NOSIP: variants seen among roughly 807,000 people sequenced by gnomAD.
NOSIP encodes the protein nitric oxide synthase interacting protein, also known as nitric oxide synthase-interacting protein.
NOSIP carries 25 observed loss-of-function variants against 36.4 expected under a neutral mutation model. That is an observed-to-expected ratio of 0.69 (90% CI 0.50 to 0.96). The LOEUF (loss-of-function observed/expected upper bound fraction) is 0.96. Among genes scored for constraint, NOSIP ranks in the 40% least tolerant of loss-of-function variants. The probability of loss-of-function intolerance (pLI) is 0.00; values close to 1 mark genes in which losing one functional copy is unlikely to be tolerated. For missense variants in NOSIP, 370 were observed against 429.0 expected, an observed-to-expected ratio of 0.86 and a Z score of 1.21; for synonymous variants, 187 against 179.2, an observed-to-expected ratio of 1.04 and a Z score of -0.35.
At chr19:49,575,293 G>T (rs1016185281) in intron 1 of NOSIP, among the ~76,000 whole-genome samples, 2 of 152,136 alleles carry the variant, frequency 1.3e-5, no homozygotes, top group Non-Finnish European at 2.9e-5. Flanking sequence ...GCCACCATGC[G>T]CAGCCTCCTC....
At chr19:49,562,812 G>A (rs902580727) in intron 1 of NOSIP, among the ~76,000 whole-genome samples, 1 of 152,150 alleles carries the variant, frequency 6.6e-6, no homozygotes, top group Non-Finnish European at 1.5e-5. Flanking sequence ...CCTGGGAGGT[G>A]CAGGTTGCAG....
chr19:49,559,099 A>T lies in NOSIP; in HGVS notation c.177-121T>A, dbSNP rs547090881. On this transcript the variant is annotated intron_variant, in intron 3 of 8. Coordinates refer to ENST00000596358, the MANE Select transcript of NOSIP (RefSeq NM_001270960.2). ...GTCCCAAGTTCAATTATTTGCTAGA[A>T]TTCACAGAACTCAGCAAAGCTGTTA... 28 of 789,010 alleles carry T rather than the reference A, an allele frequency of 3.5e-5. No individual in the cohort carries two copies. In the South Asian group the frequency reaches 4.1e-4, roughly 11 times the overall value. 48.9% of individuals were successfully genotyped at this position (789,010 alleles called of 1,614,324 possible). A position where few individuals can be genotyped will look rare whatever the true frequency, so the allele number is the denominator to read the frequency against.
At chr19:49,574,842 T>A (rs976735749) in intron 1 of NOSIP, among the ~76,000 whole-genome samples, 1 of 150,168 alleles carries the variant, frequency 6.7e-6, no homozygotes, top group African/African-American at 2.4e-5. Context: ...ATTACAGGCG[T>A]CCACCACCAT....
intron 1 of NOSIP, among the ~76,000 whole-genome samples, chr19:49,562,776 G>A (rs1410938788): frequency 6.6e-6 from 1 of 152,120 alleles, no homozygotes; most frequent in African/African-American, 2.4e-5. Context: ...AGCTACTCGG[G>A]AGGCTGAAAC....
chr19:49,556,495 G>C lies in NOSIP; in HGVS notation c.725+54C>G, dbSNP rs545540288. ...TGGGGACCTACTGGCCCCAAAGCCG[G>C]ACCGCCCCGCAGGTTCCCGAGTGGT... On this transcript the variant is annotated intron_variant, in intron 7 of 8. Transcript: ENST00000596358. The C allele has an allele frequency of 3.7e-6, 6 of 1,608,382 alleles. 1 individual carries two copies. In the Middle Eastern group the frequency reaches 6.6e-4, roughly 177 times the overall value.
Position 49,558,877 on chromosome 19 carries a change from C to T in NOSIP, c.258+20G>A. ...AAAAGCTCCTGCCTCCGTGTGCCGC[C>T]TCCTCCCCATCCCCATCACCTTCAT... On this transcript the variant is annotated intron_variant, in intron 4 of 8. Transcript: ENST00000596358. The T allele has an allele frequency of 6.2e-7, 1 of 1,606,750 alleles. No homozygotes were observed. The highest frequency in any genetic ancestry group is 8.5e-7 in the Non-Finnish European group (1 of 1,173,346).
rs185744970 is a variant in NOSIP at position 49,566,050 on chromosome 19, C to T, written c.-1-5358G>A. Among the ~76,000 whole-genome samples, 857 of 150,432 alleles carry T rather than the reference C, an allele frequency of 5.7e-3. 10 individuals are homozygous for T. The highest frequency in any genetic ancestry group is 0.02 in the African/African-American group (803 of 40,720). On this transcript the variant is annotated intron_variant, in intron 1 of 8. Coordinates refer to ENST00000596358, the MANE Select transcript of NOSIP (RefSeq NM_001270960.2). Reference sequence around the variant, plus strand: ...TTCTTTTTTTTTTTTGAGACAGTCTCGCTCTGTCGTCCAGGCTGGAGTGCA... The same window carrying T: ...TTCTTTTTTTTTTTTGAGACAGTCTTGCTCTGTCGTCCAGGCTGGAGTGCA...
At chr19:49,569,333 A>C (rs2080454514) in intron 1 of NOSIP, among the ~76,000 whole-genome samples, 1 of 150,092 alleles carries the variant, frequency 6.7e-6, no homozygotes, top group Non-Finnish European at 1.5e-5. Flanking sequence ...AGCTGGGACT[A>C]CAGGCACCTG....
intron 1 of NOSIP, among the ~76,000 whole-genome samples, chr19:49,565,751 C>A: frequency 6.8e-6 from 1 of 146,264 alleles, no homozygotes; most frequent in African/African-American, 2.7e-5. Context: ...GAGTGAGAAC[C>A]TGTCTCAAAA....
At chr19:49,559,875 C>A in intron 3 of NOSIP, 59 bp downstream of exon 3, 1 of 1,300,446 alleles carries the variant, frequency 7.7e-7, no homozygotes, top group Non-Finnish European at 1.1e-6. Flanking sequence ...ACACAGCCTC[C>A]TCCTGGCGGT....
chr19:49,578,073 G>A (rs1025961044), intron 1 of NOSIP, among the ~76,000 whole-genome samples: 4 of 151,826 alleles, frequency 2.6e-5, no homozygotes, highest in Admixed American at 6.6e-5. Context: ...AAACACCACT[G>A]AATTGTATAT....
intron 1 of NOSIP, among the ~76,000 whole-genome samples, chr19:49,569,741 G>T (rs1279819171): frequency 6.6e-6 from 1 of 151,910 alleles, no homozygotes; most frequent in Non-Finnish European, 1.5e-5. Flanking sequence ...CCGGGAGGTG[G>T]AGGTTGCAGT....
intron 1 of NOSIP, among the ~76,000 whole-genome samples, chr19:49,565,759 AAAG>A (rs1283809064): frequency 7.3e-6 from 1 of 137,054 alleles, no homozygotes; most frequent in Admixed American, 7.0e-5. Flanking sequence ...ACCTGTCTCA[AAAG>A]AAAAAAAAAA....
Position 49,557,111 on chromosome 19 carries a change from C to A in NOSIP, c.397G>T (p.Ala133Ser). ...SRPLNPFTAKALSGTSPDDVQ... is the reference protein window; with the variant it reads ...SRPLNPFTAKSLSGTSPDDVQ... ...TCACCTGGGCTGGTGCCCGAGAGGGCCTTGGCTGTGAAAGGGTTGAGGGGC... is the reference window on the plus strand; with the variant it reads ...TCACCTGGGCTGGTGCCCGAGAGGGACTTGGCTGTGAAAGGGTTGAGGGGC... Residue 133 changes from alanine (A) to serine (S), a missense_variant, in exon 5 of 9, where the codon GCC becomes TCC. By Grantham distance (99) the Ala-to-Ser change is moderately conservative. Coordinates refer to ENST00000596358, the MANE Select transcript of NOSIP (RefSeq NM_001270960.2). 1 of 1,612,658 alleles carries A rather than the reference C, an allele frequency of 6.2e-7. No homozygotes were observed. The highest frequency in any genetic ancestry group is 8.5e-7 in the Non-Finnish European group (1 of 1,179,436).
rs2080325904 is a variant in NOSIP at position 49,560,945 on chromosome 19, G to C, written c.-1-253C>G. Among the ~76,000 whole-genome samples, 1 of 152,218 alleles carries C rather than the reference G, an allele frequency of 6.6e-6. No homozygotes were observed. On this transcript the variant is annotated intron_variant, in intron 1 of 8. Transcript: ENST00000596358. This position sits in a 1 kb window ranked among gnomAD's most constrained non-coding sequence, Gnocchi z 4.6. ...AACAAAACTCTTTGTTTGGAGGTAA[G>C]AGGGTGAGAGACCAGAGTTCAAATT... is the stretch of plus-strand genomic sequence containing the variant.
chr19:49,565,489 C>A (rs2080394282), intron 1 of NOSIP, among the ~76,000 whole-genome samples: 1 of 152,046 alleles, frequency 6.6e-6, no homozygotes, highest in African/African-American at 2.4e-5. Context: ...TGGTGCACGC[C>A]TGTAATCTCA....
chr19:49,574,034 G>A (rs1231032754), intron 1 of NOSIP, among the ~76,000 whole-genome samples: 1 of 151,704 alleles, frequency 6.6e-6, no homozygotes, highest in Non-Finnish European at 1.5e-5. Context: ...TACTTTTTTT[G>A]TATTTTTAGT....
chr19:49,558,280 G>A (rs1288017699), intron 4 of NOSIP: 1 of 125,624 alleles, frequency 8.0e-6, no homozygotes, highest in African/African-American at 3.3e-5. Context: ...ACAGAATCTC[G>A]CTCGGTTACC....
At position 49,560,889 on chromosome 19, in the gene NOSIP, CTCAT is replaced by C. The variant is rs1038594502; in HGVS notation, c.-1-201_-1-198del. ...AGTCCTCCTTCCAGACTCACCTAGA[CTCAT>C]TTATATGTGAAAATAGCACCTTTAA... On this transcript the variant is annotated intron_variant, in intron 1 of 8. Transcript: ENST00000596358. The surrounding 1 kb of genome is among the most constrained non-coding windows in gnomAD (Gnocchi z 4.6). Among the ~76,000 whole-genome samples the C allele has an allele frequency of 3.9e-4, 60 of 152,302 alleles. No homozygotes were observed. The highest frequency in any genetic ancestry group is 1.4e-3 in the African/African-American group (58 of 41,574).
Sources: gnomAD v4.1 joint callset for allele counts (sites outside exome capture counted in the v4.1 genomes callset) on GRCh38, gnomAD v4.1.1 for gene constraint, Gnocchi (gnomAD v3.1) non-coding constraint, MANE v1.5 for transcripts, NCBI Gene and HGNC (gene_info 2026-07-23, HGNC 2026-07-21) for gene names.